Variants in HPSE2 observed in about 807,000 individuals in gnomAD.
The protein encoded by HPSE2 is heparanase 2 (inactive), also known as inactive heparanase-2.
HPSE2 carries 38 observed loss-of-function variants against 60.5 expected under a neutral mutation model. The observed-to-expected ratio is 0.63, with a 90% CI of 0.48 to 0.82. HPSE2 has a LOEUF of 0.82. Ranked by LOEUF, HPSE2 falls within the 40% of genes least tolerant of loss-of-function variation. HPSE2 has a pLI of 0.00. For synonymous variants in HPSE2, 295 were observed against 293.2 expected, an observed-to-expected ratio of 1.01 and a Z score of -0.06; for missense variants, 713 against 740.4, an observed-to-expected ratio of 0.96 and a Z score of 0.43.
chr10:98,919,629 T>C lies in HPSE2; in HGVS notation c.611-175573A>G, dbSNP rs563589592. On this transcript the variant is annotated intron_variant, in intron 3 of 11. Coordinates refer to ENST00000370552, the MANE Select transcript of HPSE2 (RefSeq NM_021828.5). ...TTAACAATCATTTTAGATTAATCAA[T>C]ATTAATGGAAAAATAAAAGTGAAAA... Among the ~76,000 whole-genome samples, 3 of 152,302 alleles carry C rather than the reference T, an allele frequency of 2.0e-5. No homozygotes were observed. The South Asian group carries it at 6.2e-4, about 32-fold the overall frequency.
chr10:98,626,114 AAAAGAAAAAG>A (rs1946204319), intron 7 of HPSE2, among the ~76,000 whole-genome samples: 1 of 92,266 alleles, frequency 1.1e-5, no homozygotes, highest in Admixed American at 1.3e-4. Flanking sequence ...TCAAAAAAAA[AAAAGAAAAAG>A]AAAAAAGAAA....
At chr10:99,252,376 C>T in the HPSE2 span, among the ~76,000 whole-genome samples, 1 of 152,074 alleles carries the variant, frequency 6.6e-6, no homozygotes, top group Admixed American at 6.5e-5. Context: ...AAAAAGAAGT[C>T]AAACTATCTC....
At chr10:98,640,697 A>C (rs1202413517) in intron 7 of HPSE2, among the ~76,000 whole-genome samples, 1 of 152,228 alleles carries the variant, frequency 6.6e-6, no homozygotes, top group African/African-American at 2.4e-5. Flanking sequence ...AGAAATAGCC[A>C]ACTATTCAAA....
intron 6 of HPSE2, among the ~76,000 whole-genome samples, chr10:98,662,539 C>T (rs1032415150): frequency 6.6e-6 from 1 of 152,110 alleles, no homozygotes; most frequent in Non-Finnish European, 1.5e-5. Context: ...GGAACAGACA[C>T]TGGGATATAG....
chr10:98,737,369 A>C (rs10883184), intron 4 of HPSE2, among the ~76,000 whole-genome samples: 129,190 of 138,550 alleles, frequency 0.93, 61,952 homozygotes, highest in East Asian at 1. Flanking sequence ...ACACAGAAGG[A>C]AGGTGATTTC....
chr10:98,972,360 G>A (rs956405257), intron 3 of HPSE2, among the ~76,000 whole-genome samples: 3 of 151,788 alleles, frequency 2.0e-5, no homozygotes, highest in African/African-American at 7.3e-5. Flanking sequence ...ATTGCCCCTG[G>A]AAGCTTTGTT....
intron 3 of HPSE2, among the ~76,000 whole-genome samples, chr10:98,913,286 C>G (rs1188605130): frequency 6.6e-6 from 1 of 152,080 alleles, no homozygotes; most frequent in Non-Finnish European, 1.5e-5. Context: ...AAAGAAGTCC[C>G]GCAACCAAAC....
intron 2 of HPSE2, among the ~76,000 whole-genome samples, chr10:99,216,354 CCTG>C (rs1849126910): frequency 6.6e-6 from 1 of 151,994 alleles, no homozygotes; most frequent in African/African-American, 2.4e-5. Flanking sequence ...GCCACCATGC[CCTG>C]CTAATTTTTG....
chr10:99,271,618 C>T, the HPSE2 span, among the ~76,000 whole-genome samples: 1 of 152,150 alleles, frequency 6.6e-6, no homozygotes, highest in Non-Finnish European at 1.5e-5. Context: ...GTACCACCAT[C>T]ATTCTTCACA....
chr10:99,271,915 G>T, the HPSE2 span, among the ~76,000 whole-genome samples: 1 of 152,190 alleles, frequency 6.6e-6, no homozygotes, highest in African/African-American at 2.4e-5. Flanking sequence ...AACAAATGGT[G>T]CTGGGATAAC....
chr10:99,303,167 C>T, the HPSE2 span, among the ~76,000 whole-genome samples: 9 of 152,250 alleles, frequency 5.9e-5, no homozygotes, highest in Admixed American at 2.0e-4. Flanking sequence ...CCTCAGGTAA[C>T]GCAGCAAAAG....
intron 2 of HPSE2, among the ~76,000 whole-genome samples, chr10:99,152,310 C>CAAAAAA (rs1004063463): frequency 1.9e-5 from 1 of 54,042 alleles, no homozygotes. Flanking sequence ...GACTCCACCT[C>CAAAAAA]AAAAAAAAAA....
intron 3 of HPSE2, among the ~76,000 whole-genome samples, chr10:98,864,945 G>GT (rs1952551954): frequency 6.6e-6 from 1 of 152,092 alleles, no homozygotes. Context: ...TAGAGGTTAT[G>GT]TGAAAGCAAG....
chr10:99,102,563 G>A (rs1234462918), intron 3 of HPSE2, among the ~76,000 whole-genome samples: 1 of 152,174 alleles, frequency 6.6e-6, no homozygotes, highest in Non-Finnish European at 1.5e-5. Flanking sequence ...ACAAGGAGGA[G>A]CTGGTACCAT....
chr10:98,718,993 T>TA (rs1367228056), intron 5 of HPSE2, among the ~76,000 whole-genome samples: 2 of 152,106 alleles, frequency 1.3e-5, no homozygotes, highest in Non-Finnish European at 2.9e-5. Flanking sequence ...GTACAACAAA[T>TA]ACGTACGATT....
At chr10:99,264,576 G>A in the HPSE2 span, among the ~76,000 whole-genome samples, 908 of 152,172 alleles carry the variant, frequency 6.0e-3, 43 homozygotes, top group Admixed American at 0.052. Context: ...AAAACTCAAG[G>A]GTGGAGCCCA....
At chr10:98,830,588 A>T (rs1206844878) in intron 3 of HPSE2, among the ~76,000 whole-genome samples, 1 of 152,214 alleles carries the variant, frequency 6.6e-6, no homozygotes. Context: ...ACTAAGTCTA[A>T]TTCTATAGAA....
intron 4 of HPSE2, among the ~76,000 whole-genome samples, chr10:98,727,680 A>G (rs537261450): frequency 1.9e-5 from 2 of 105,560 alleles, no homozygotes; most frequent in East Asian, 3.2e-4. Flanking sequence ...CAACAACAAC[A>G]AAAAAAAACA....
At chr10:99,055,372 T>C (rs548219988) in intron 3 of HPSE2, among the ~76,000 whole-genome samples, 1 of 152,222 alleles carries the variant, frequency 6.6e-6, no homozygotes, top group Admixed American at 6.5e-5. Flanking sequence ...AAGCAGGTTG[T>C]AGAAGAAAGA....
Sources: gnomAD v4.1 joint callset for allele counts (sites outside exome capture counted in the v4.1 genomes callset) on GRCh38, gnomAD v4.1.1 for gene constraint, MANE v1.5 for transcripts, NCBI Gene and HGNC (gene_info 2026-07-23, HGNC 2026-07-21) for gene names.